Variants in GLG1 observed in about 807,000 individuals in gnomAD.
The protein encoded by GLG1 is Golgi apparatus protein 1.
In GLG1, 38 loss-of-function variants were observed where a neutral mutation model predicts 160.5. The ratio of observed to expected loss-of-function variants is 0.24; its 90% CI spans 0.18 to 0.31. The LOEUF (loss-of-function observed/expected upper bound fraction) is 0.31. GLG1 is among the 10% of genes least tolerant of loss of function. The pLI is 1.00. For missense variants in GLG1, 1,373 were observed against 1,505.2 expected, an observed-to-expected ratio of 0.91 and a Z score of 1.45; for synonymous variants, 644 against 543.4, an observed-to-expected ratio of 1.19 and a Z score of -2.57.
At chr16:74,565,851 G>C (rs2018640614) in intron 1 of GLG1, among the ~76,000 whole-genome samples, 2 of 152,148 alleles carry the variant, frequency 1.3e-5, no homozygotes, top group African/African-American at 4.8e-5. Flanking sequence ...AAACTAAAAA[G>C]TTTGGTTTAG....
chr16:74,498,898 A>G (rs2016309990), intron 4 of GLG1, among the ~76,000 whole-genome samples: 1 of 146,054 alleles, frequency 6.8e-6, no homozygotes, highest in Non-Finnish European at 1.5e-5. Flanking sequence ...AAGATTCCTA[A>G]AACCAAGTAG....
intron 1 of GLG1, among the ~76,000 whole-genome samples, chr16:74,593,173 C>G (rs1958221753): frequency 6.6e-6 from 1 of 152,106 alleles, no homozygotes; most frequent in Admixed American, 6.6e-5. Context: ...TATATATTAC[C>G]CAGTCTTGGG....
chr16:74,472,065 C>T (rs529023856), intron 14 of GLG1, among the ~76,000 whole-genome samples: 5 of 152,064 alleles, frequency 3.3e-5, no homozygotes, highest in African/African-American at 1.2e-4. Context: ...CCACCACGCC[C>T]AGCTAATTTT....
chr16:74,575,044 C>CAAGACCAG (rs1284257207), intron 1 of GLG1, among the ~76,000 whole-genome samples: 1 of 97,608 alleles, frequency 1.0e-5, no homozygotes, highest in African/African-American at 4.2e-5. Context: ...GTCAAGAGTT[C>CAAGACCAG]AAGACCAGCC....
intron 1 of GLG1, among the ~76,000 whole-genome samples, chr16:74,539,061 GC>G (rs1361113187): frequency 6.0e-5 from 9 of 150,986 alleles, no homozygotes. Flanking sequence ...CACATTCTGT[GC>G]CGATGGCTGA....
chr16:74,452,845 G>A lies in GLG1; in HGVS notation c.*322C>T, dbSNP rs1398407434. The stretch of plus-strand genomic sequence containing the variant: ...GTGGTTTTCTTAAAAAAGCCTTTGA[G>A]TTGCAGGTCAGGTGAGTTGGTTCTG... On this transcript the variant is annotated 3_prime_UTR_variant, in exon 26 of 26. Coordinates refer to ENST00000422840, the MANE Select transcript of GLG1 (RefSeq NM_001145667.2). 2 of 1,063,692 alleles carry A rather than the reference G, an allele frequency of 1.9e-6. No homozygotes were observed. Among genetic ancestry groups the A allele is most frequent in the East Asian group, 6.5e-5 (1 of 15,496 alleles). 65.9% of individuals were successfully genotyped at this position (1,063,692 alleles called of 1,614,324 possible). A position where few individuals can be genotyped will look rare whatever the true frequency, so the allele number is the denominator to read the frequency against.
intron 1 of GLG1, among the ~76,000 whole-genome samples, chr16:74,542,427 G>C (rs192472527): frequency 6.6e-6 from 1 of 152,004 alleles, no homozygotes; most frequent in Admixed American, 6.6e-5. Context: ...CAGCACTTTC[G>C]GAGGCTGAGG....
intron 4 of GLG1, among the ~76,000 whole-genome samples, chr16:74,497,170 T>G (rs2016220243): frequency 6.6e-6 from 1 of 151,798 alleles, no homozygotes; most frequent in Non-Finnish European, 1.5e-5. Flanking sequence ...GCGCCTGTAA[T>G]CCCAGCTACT....
chr16:74,492,565 T>A (rs2016037942), intron 7 of GLG1, among the ~76,000 whole-genome samples: 1 of 150,798 alleles, frequency 6.6e-6, no homozygotes, highest in Non-Finnish European at 1.5e-5. Context: ...ACACCTATAA[T>A]CCAAGCACTT....
intron 14 of GLG1, among the ~76,000 whole-genome samples, chr16:74,471,911 C>CTTTTTCTT (rs10631818): frequency 6.6e-6 from 1 of 151,724 alleles, no homozygotes; most frequent in Non-Finnish European, 1.5e-5. Flanking sequence ...ATCTTGTTTA[C>CTTTTTCTT]TTTTTCTTTT....
intron 1 of GLG1, among the ~76,000 whole-genome samples, chr16:74,605,323 A>G (rs1260081729): frequency 3.9e-5 from 6 of 152,124 alleles, no homozygotes; most frequent in African/African-American, 1.4e-4. Flanking sequence ...TGAATAGGCC[A>G]CTTTTTGCCA....
intron 1 of GLG1, among the ~76,000 whole-genome samples, chr16:74,580,379 G>A (rs1326071451): frequency 1.3e-5 from 2 of 151,956 alleles, no homozygotes; most frequent in African/African-American, 2.4e-5. Context: ...TCTGCCTGTC[G>A]TCCCTGCTAC....
At chr16:74,530,409 A>G (rs182137821) in intron 2 of GLG1, among the ~76,000 whole-genome samples, 31 of 152,320 alleles carry the variant, frequency 2.0e-4, no homozygotes, top group African/African-American at 5.5e-4. Context: ...AGAAAGTAAC[A>G]GTTCTCAGGG....
chr16:74,513,996 G>C (rs764604216), intron 2 of GLG1, among the ~76,000 whole-genome samples: 2 of 152,092 alleles, frequency 1.3e-5, no homozygotes, highest in Non-Finnish European at 2.9e-5. Flanking sequence ...TGAAGCATAC[G>C]TAAGCTTCAA....
intron 1 of GLG1, among the ~76,000 whole-genome samples, chr16:74,597,412 C>CA (rs1372243128): frequency 2.3e-5 from 3 of 132,220 alleles, no homozygotes; most frequent in African/African-American, 2.9e-5. Flanking sequence ...GCCTGGATGA[C>CA]AGAGTGAGAC....
chr16:74,499,077 G>A (rs1173011334), intron 4 of GLG1, among the ~76,000 whole-genome samples: 1 of 152,028 alleles, frequency 6.6e-6, no homozygotes, highest in Non-Finnish European at 1.5e-5. Flanking sequence ...GATATCTACT[G>A]CGGACATGAA....
At chr16:74,536,248 C>T (rs558590279) in intron 1 of GLG1, among the ~76,000 whole-genome samples, 1 of 152,142 alleles carries the variant, frequency 6.6e-6, no homozygotes, top group Non-Finnish European at 1.5e-5. Flanking sequence ...TAAGTGCAGA[C>T]AGGCTCACTT....
chr16:74,566,161 G>A (rs1207331509), intron 1 of GLG1, among the ~76,000 whole-genome samples: 2 of 152,130 alleles, frequency 1.3e-5, no homozygotes, highest in Non-Finnish European at 2.9e-5. Context: ...TGATCACTTG[G>A]CCAAGGTTTC....
At chr16:74,576,144 C>T (rs947580030) in intron 1 of GLG1, among the ~76,000 whole-genome samples, 2 of 151,906 alleles carry the variant, frequency 1.3e-5, no homozygotes, top group East Asian at 3.9e-4. Context: ...CGGCGGTGAG[C>T]TGAGATAGCA....
Sources: gnomAD v4.1 joint callset for allele counts (sites outside exome capture counted in the v4.1 genomes callset) on GRCh38, gnomAD v4.1.1 for gene constraint, MANE v1.5 for transcripts, NCBI Gene and HGNC (gene_info 2026-07-23, HGNC 2026-07-21) for gene names.